CDH12: variants seen among roughly 807,000 people sequenced by gnomAD.
The protein encoded by CDH12 is cadherin-12.
A neutral mutation model predicts 74.1 loss-of-function variants in CDH12; 41 were observed. The ratio of observed to expected loss-of-function variants is 0.55; its 90% CI spans 0.43 to 0.72. CDH12 has a LOEUF of 0.72. Ranked by LOEUF, CDH12 falls within the 30% of genes least tolerant of loss-of-function variation. The pLI is 0.00. For missense variants in CDH12, 945 were observed against 977.2 expected (o/e 0.97, Z 0.44); for synonymous variants, 399 against 355.0 (o/e 1.12, Z -1.39).
chr5:22,826,028 G>T (rs1215409825), intron 1 of CDH12, among the ~76,000 whole-genome samples: 4 of 152,214 alleles, frequency 2.6e-5, no homozygotes, highest in Non-Finnish European at 4.4e-5. Context: ...CCATTGGCCA[G>T]TGTACTAGAG....
chr5:22,161,116 T>C (rs1395499249), intron 4 of CDH12, among the ~76,000 whole-genome samples: 1 of 152,164 alleles, frequency 6.6e-6, no homozygotes, highest in African/African-American at 2.4e-5. Context: ...GTGTATAGAA[T>C]TGAGCTGTCA....
At chr5:22,610,445 A>G (rs924397975) in intron 1 of CDH12, among the ~76,000 whole-genome samples, 2 of 152,168 alleles carry the variant, frequency 1.3e-5, no homozygotes, top group Non-Finnish European at 2.9e-5. Flanking sequence ...GTAAAAATGT[A>G]TTAGATTCTG....
intron 8 of CDH12, 65 bp from the exon 9 acceptor site, chr5:21,817,197 G>T: frequency 1.8e-6 from 2 of 1,126,674 alleles, no homozygotes. Context: ...AGATTACAAG[G>T]CTTGAAAAAT....
intron 1 of CDH12, among the ~76,000 whole-genome samples, chr5:22,818,296 C>A (rs1429086213): frequency 1.3e-5 from 2 of 152,132 alleles, no homozygotes; most frequent in African/African-American, 4.8e-5. Flanking sequence ...ACTTTTCTGT[C>A]AGATTTTGCT....
At chr5:21,895,848 A>C (rs1214394671) in intron 6 of CDH12, among the ~76,000 whole-genome samples, 1 of 152,164 alleles carries the variant, frequency 6.6e-6, no homozygotes, top group African/African-American at 2.4e-5. Context: ...AAGATCCCCC[A>C]GGCCTGGAAG....
intron 8 of CDH12, among the ~76,000 whole-genome samples, chr5:21,830,656 T>C (rs1579787006): frequency 1.3e-5 from 2 of 152,060 alleles, no homozygotes; most frequent in South Asian, 4.1e-4. Flanking sequence ...CAGGCCCCAG[T>C]GAGTAAATAG....
chr5:22,846,342 G>GA (rs1737300737), intron 1 of CDH12, among the ~76,000 whole-genome samples: 1 of 152,028 alleles, frequency 6.6e-6, no homozygotes, highest in Non-Finnish European at 1.5e-5. Flanking sequence ...CATAGATTTG[G>GA]AAAAAGCATC....
At chr5:21,823,721 C>T (rs1215574004) in intron 8 of CDH12, among the ~76,000 whole-genome samples, 1 of 152,086 alleles carries the variant, frequency 6.6e-6, no homozygotes, top group East Asian at 1.9e-4. Context: ...TTTACTACTT[C>T]CTTTCTCAGT....
intron 3 of CDH12, among the ~76,000 whole-genome samples, chr5:22,295,369 G>T (rs1356764467): frequency 6.6e-6 from 1 of 152,200 alleles, no homozygotes; most frequent in East Asian, 1.9e-4. Flanking sequence ...ATAAATTTAA[G>T]TGTTTGCCAT....
At chr5:21,787,578 C>T (rs945151304) in intron 10 of CDH12, among the ~76,000 whole-genome samples, 3 of 152,068 alleles carry the variant, frequency 2.0e-5, no homozygotes, top group African/African-American at 4.8e-5. Flanking sequence ...TTTGCTTTAT[C>T]GTGGTAGTCT....
intron 4 of CDH12, among the ~76,000 whole-genome samples, chr5:22,106,017 G>C (rs773679381): frequency 8.5e-5 from 13 of 152,280 alleles, no homozygotes; most frequent in African/African-American, 2.2e-4. Context: ...TGATTGGTTT[G>C]TGGAATACTA....
At chr5:22,402,238 T>C (rs1205527351) in intron 3 of CDH12, among the ~76,000 whole-genome samples, 1 of 152,170 alleles carries the variant, frequency 6.6e-6, no homozygotes, top group Non-Finnish European at 1.5e-5. Context: ...GAAACATGAA[T>C]ATTAAGACTA....
intron 4 of CDH12, among the ~76,000 whole-genome samples, chr5:22,162,508 A>C (rs1748413611): frequency 6.6e-6 from 1 of 152,180 alleles, no homozygotes; most frequent in Admixed American, 6.5e-5. Context: ...ACTGGGGAGA[A>C]TACAACGTCA....
chr5:22,717,532 G>C (rs970844917), intron 1 of CDH12, among the ~76,000 whole-genome samples: 1 of 152,078 alleles, frequency 6.6e-6, no homozygotes, highest in African/African-American at 2.4e-5. Context: ...ATCTGTATAG[G>C]CAAGTGGAGT....
chr5:22,234,898 G>A (rs1752509588), intron 3 of CDH12, among the ~76,000 whole-genome samples: 1 of 151,672 alleles, frequency 6.6e-6, no homozygotes, highest in Admixed American at 6.6e-5. Flanking sequence ...AAGACAGATG[G>A]ACTTTTTTTT....
chr5:22,113,277 A>G (rs1744915860), intron 4 of CDH12, among the ~76,000 whole-genome samples: 1 of 152,198 alleles, frequency 6.6e-6, no homozygotes, highest in Non-Finnish European at 1.5e-5. Flanking sequence ...TCTGTAAAGA[A>G]TCTCTATTAA....
chr5:22,077,737 CAGAT>C (rs1389571340), intron 5 of CDH12, among the ~76,000 whole-genome samples: 1 of 151,844 alleles, frequency 6.6e-6, no homozygotes, highest in Non-Finnish European at 1.5e-5. Context: ...TGTCCTGAAA[CAGAT>C]AGTTGCCACC....
At chr5:21,905,000 A>G (rs1363018890) in intron 6 of CDH12, among the ~76,000 whole-genome samples, 1 of 152,222 alleles carries the variant, frequency 6.6e-6, no homozygotes, top group Non-Finnish European at 1.5e-5. Context: ...GATGTACAGG[A>G]AAGAAAATCA....
chr5:21,773,409 C>T (rs534252472), intron 11 of CDH12, among the ~76,000 whole-genome samples: 71 of 152,234 alleles, frequency 4.7e-4, no homozygotes, highest in African/African-American at 1.4e-3. Flanking sequence ...GGCAGAAGAA[C>T]GCGGAAGGAC....
Sources: gnomAD v4.1 joint callset for allele counts (sites outside exome capture counted in the v4.1 genomes callset) on GRCh38, gnomAD v4.1.1 for gene constraint, MANE v1.5 for transcripts, NCBI Gene and HGNC (gene_info 2026-07-23, HGNC 2026-07-21) for gene names.